Variants in ABL2 observed in about 807,000 individuals in gnomAD.
ABL2 encodes the protein tyrosine-protein kinase ABL2.
A neutral mutation model predicts 107.7 loss-of-function variants in ABL2; 49 were observed. The ratio of observed to expected loss-of-function variants is 0.45; its 90% CI spans 0.36 to 0.58. The LOEUF (loss-of-function observed/expected upper bound fraction) is 0.58, where lower values mean the gene tolerates loss of function less well. ABL2 is among the 20% of genes least tolerant of loss of function. The probability of loss-of-function intolerance (pLI) is 0.00; values close to 1 mark genes in which losing one functional copy is unlikely to be tolerated. For missense variants in ABL2, 1,245 were observed against 1,457.0 expected, an observed-to-expected ratio of 0.85 and a Z score of 2.37; for synonymous variants, 549 against 548.6, an observed-to-expected ratio of 1.00 and a Z score of -0.01.
rs1656322387 is a variant in ABL2 at position 179,131,464 on chromosome 1, AG to A, written c.237del (p.Tyr80MetfsTer10). 1 of 1,613,892 alleles carries A rather than the reference AG, an allele frequency of 6.2e-7. No homozygotes were observed. ...GGSSPEALHRPYGCDVEPQAL... is the reference protein window; with the variant it reads ...GGSSPEALHRXYGCDVEPQAL... ...GCCTGGGGTTCAACATCACAACCATAGGGACGATGCAAAGCTTCTGAAAGAC... is the reference window on the plus strand; with the variant it reads ...GCCTGGGGTTCAACATCACAACCATAGGACGATGCAAAGCTTCTGAAAGAC... On this transcript the variant is annotated frameshift_variant, in exon 3 of 12. Coordinates refer to ENST00000502732, the MANE Select transcript of ABL2 (RefSeq NM_007314.4). LOFTEE classifies it high-confidence loss of function.
Position 179,107,393 on chromosome 1 carries a change from T to G in ABL2, c.*325A>C, listed in dbSNP as rs1653538109. On this transcript the variant is annotated 3_prime_UTR_variant, in exon 12 of 12. Coordinates refer to ENST00000502732, the MANE Select transcript of ABL2 (RefSeq NM_007314.4). ...GCTGCAGTCTTGCTGAGAGCAGCCC[T>G]GCCTAGCACTTCCCAGCATTCCAGG... 6.1e-6 allele frequency: 2 copies of G among 330,412 alleles called. No homozygotes were observed. Among genetic ancestry groups the G allele is most frequent in the Non-Finnish European group, 1.1e-5 (2 of 180,306 alleles). 20.5% of individuals were successfully genotyped at this position (330,412 alleles called of 1,614,324 possible).
In ABL2 at chr1:179,133,309, C is replaced by T; in HGVS notation, c.220+3G>A. ...AAATCTGCAACATCTCAACATCTCTCACCTGGACTACTGCCTCCAGTCTTG... is the reference window on the plus strand; with the variant it reads ...AAATCTGCAACATCTCAACATCTCTTACCTGGACTACTGCCTCCAGTCTTG... On this transcript the variant is annotated splice_donor_region_variant and intron_variant, in intron 2 of 11. Transcript: ENST00000502732. 4.3e-6 allele frequency: 7 copies of T among 1,614,186 alleles called. No individual in the cohort carries two copies. Among genetic ancestry groups the T allele is most frequent in the Non-Finnish European group, 5.9e-6 (7 of 1,180,042 alleles).
chr1:179,148,039 C>CTTT (rs1393464807), intron 1 of ABL2, among the ~76,000 whole-genome samples: 12 of 131,018 alleles, frequency 9.2e-5, no homozygotes, highest in African/African-American at 2.0e-4. Context: ...CTTTTCTTTT[C>CTTT]TTTTTTTTTT....
At chr1:179,207,335 G>C (rs569376307) in intron 1 of ABL2, among the ~76,000 whole-genome samples, 1 of 152,158 alleles carries the variant, frequency 6.6e-6, no homozygotes, top group Non-Finnish European at 1.5e-5. Context: ...GCATTAAAAC[G>C]ACAACTATAC....
intron 4 of ABL2, among the ~76,000 whole-genome samples, chr1:179,122,107 T>C (rs1453888836): frequency 2.0e-5 from 3 of 151,368 alleles, no homozygotes; most frequent in South Asian, 4.2e-4. Flanking sequence ...TTTGTATTTT[T>C]AGTAGAGATG....
At chr1:179,113,019 G>A (rs191548153) in intron 9 of ABL2, among the ~76,000 whole-genome samples, 2 of 152,300 alleles carry the variant, frequency 1.3e-5, no homozygotes, top group Admixed American at 6.5e-5. Context: ...CTCCCAAAGC[G>A]CTGGGATTAC....
rs1653004561 is a variant in ABL2, at chr1:179,100,409, G to A, written c.*7309C>T. 2 of 226,882 alleles carry A rather than the reference G, an allele frequency of 8.8e-6. No individual in the cohort carries two copies. The highest frequency in any genetic ancestry group is 1.3e-4 in the East Asian group (2 of 15,626). 14.1% of individuals were successfully genotyped at this position (226,882 alleles called of 1,614,324 possible). Reference sequence around the variant, plus strand: ...CGTTCCCAGTCCTGCAAAACCTTCTGAAACAACAATAAATTTGCATATTCT... The same window carrying A: ...CGTTCCCAGTCCTGCAAAACCTTCTAAAACAACAATAAATTTGCATATTCT... On this transcript the variant is annotated 3_prime_UTR_variant, in exon 12 of 12. Coordinates refer to ENST00000502732, the MANE Select transcript of ABL2 (RefSeq NM_007314.4).
At chr1:179,228,450 A>G (rs1405521099) in intron 1 of ABL2, among the ~76,000 whole-genome samples, 1 of 152,224 alleles carries the variant, frequency 6.6e-6, no homozygotes, top group African/African-American at 2.4e-5. Flanking sequence ...AATAGGTTTC[A>G]GACTACAGGG....
At chr1:179,141,955 C>T in intron 1 of ABL2, among the ~76,000 whole-genome samples, 1 of 152,138 alleles carries the variant, frequency 6.6e-6, no homozygotes, top group Non-Finnish European at 1.5e-5. Context: ...AAAACAAAAG[C>T]CTGTGGGAAG....
At chr1:179,173,151 T>C (rs556572401) in intron 1 of ABL2, among the ~76,000 whole-genome samples, 3 of 150,004 alleles carry the variant, frequency 2.0e-5, no homozygotes, top group African/African-American at 4.9e-5. Context: ...GATCGTGCCA[T>C]TGCACTCCAG....
At chr1:179,141,550 T>C (rs538339934) in intron 1 of ABL2, among the ~76,000 whole-genome samples, 2 of 152,286 alleles carry the variant, frequency 1.3e-5, no homozygotes, top group African/African-American at 4.8e-5. Flanking sequence ...TGTAAAGTAA[T>C]AACTATAGGA....
chr1:179,183,769 T>A (rs1270121085), intron 1 of ABL2: 1 of 153,906 alleles, frequency 6.5e-6, no homozygotes, highest in Admixed American at 6.5e-5. Flanking sequence ...CTAAAATTAT[T>A]TCAGAGTTTT....
rs1408999294 is a variant in ABL2, at chr1:179,150,003, G to A, written c.158-16629C>T. 7.2e-5 allele frequency among the ~76,000 whole-genome samples: 11 copies of A among 152,268 alleles called. No homozygotes were observed. In the East Asian group the frequency reaches 2.1e-3, roughly 29 times the overall value. ...TCCCAGTACTTTGGGAGGCCAGGGT[G>A]GGAGGGCTGCTTTAGGCCAGGAGTT... On this transcript the variant is annotated intron_variant, in intron 1 of 11. Coordinates refer to ENST00000502732, the MANE Select transcript of ABL2 (RefSeq NM_007314.4).
intron 1 of ABL2, among the ~76,000 whole-genome samples, chr1:179,135,046 G>A (rs1012010080): frequency 3.3e-5 from 5 of 152,236 alleles, no homozygotes; most frequent in Non-Finnish European, 5.9e-5. Flanking sequence ...ATGGTGCCCA[G>A]GCTGGAGTGC....
chr1:179,153,385 G>T (rs1046430008), intron 1 of ABL2, among the ~76,000 whole-genome samples: 2 of 151,870 alleles, frequency 1.3e-5, no homozygotes, highest in Admixed American at 6.6e-5. Flanking sequence ...AGTTTGGGAG[G>T]CCGGAAGTCT....
intron 1 of ABL2, chr1:179,222,062 CT>C: frequency 1.0e-5 from 2 of 194,250 alleles, no homozygotes; most frequent in Non-Finnish European, 2.4e-5. Flanking sequence ...CAGCCCACGG[CT>C]TTTCTTCCAA....
chr1:179,112,304 C>G lies in ABL2; in HGVS notation c.1651+5G>C. 6.2e-7 allele frequency: 1 copy of G among 1,611,186 alleles called. No homozygotes were observed. The highest frequency in any genetic ancestry group is 8.5e-7 in the Non-Finnish European group (1 of 1,177,552). On this transcript the variant is annotated splice_donor_5th_base_variant and intron_variant, in intron 10 of 11. Coordinates refer to ENST00000502732, the MANE Select transcript of ABL2 (RefSeq NM_007314.4). ...TCACCAACAGTAAATCCAACAGATT[C>G]TCACCTTCAGAAATGCTGGAGTCAT...
chr1:179,148,906 A>G (rs1407736532), intron 1 of ABL2, among the ~76,000 whole-genome samples: 1 of 140,658 alleles, frequency 7.1e-6, no homozygotes, highest in Non-Finnish European at 1.6e-5. Context: ...TCTTGAAAAA[A>G]AAAAAAAGGA....
intron 1 of ABL2, among the ~76,000 whole-genome samples, chr1:179,162,596 A>T (rs962760095): frequency 4.6e-5 from 7 of 152,184 alleles, no homozygotes; most frequent in South Asian, 2.1e-4. Context: ...AAAAAAAATT[A>T]AAAAATAAAT....
Sources: gnomAD v4.1 joint callset for allele counts (sites outside exome capture counted in the v4.1 genomes callset) on GRCh38, gnomAD v4.1.1 for gene constraint, MANE v1.5 for transcripts, NCBI Gene and HGNC (gene_info 2026-07-23, HGNC 2026-07-21) for gene names.